The following SOCS7 variants were observed in gnomAD, a reference collection of about 807,000 sequenced individuals.
SOCS7 encodes NAP-4.
Under a neutral mutation model 58.9 loss-of-function variants are expected in SOCS7, and 18 were observed. The ratio of observed to expected loss-of-function variants is 0.31; its 90% CI spans 0.21 to 0.45. The LOEUF is 0.45. SOCS7 is among the 20% of genes least tolerant of loss of function. The pLI, the probability that SOCS7 is intolerant of heterozygous loss-of-function variation, is 1.00. For missense variants in SOCS7, 667 were observed against 837.3 expected (o/e 0.80, Z 2.51); for synonymous variants, 388 against 364.3 (o/e 1.06, Z -0.74).
chr17:38,398,288 G>T (rs1026443131), intron 9 of SOCS7, among the ~76,000 whole-genome samples: 1 of 150,628 alleles, frequency 6.6e-6, no homozygotes, highest in Non-Finnish European at 1.5e-5. Context: ...TGTTGCCCGG[G>T]CTGGAGTGCA....
At chr17:38,392,315 A>G (rs920305465) in intron 7 of SOCS7, among the ~76,000 whole-genome samples, 2 of 152,236 alleles carry the variant, frequency 1.3e-5, no homozygotes, top group African/African-American at 4.8e-5. Context: ...ACAATCAGAT[A>G]ATTGTATGTT....
chr17:38,373,927 G>A (rs1329682949), intron 6 of SOCS7, among the ~76,000 whole-genome samples: 2 of 152,216 alleles, frequency 1.3e-5, no homozygotes, highest in African/African-American at 4.8e-5. Flanking sequence ...CTCCATTGAA[G>A]TTGCCATAGT....
rs542706987 is a variant in SOCS7, at chr17:38,388,382, G to A, written c.1682-6927G>A. 5.3e-5 allele frequency among the ~76,000 whole-genome samples: 8 copies of A among 151,974 alleles called. No individual in the cohort carries two copies. In the South Asian group the frequency reaches 1.2e-3, roughly 24 times the overall value. ...AAAAATACAAAAATTAGCTAGGAGC[G>A]GTGGTGAGCACGTGTAGTCCCAGCT... is the stretch of plus-strand genomic sequence containing the variant. On this transcript the variant is annotated intron_variant, in intron 7 of 9. Transcript: ENST00000612932.
rs1326481662 is a variant in SOCS7, at chr17:38,400,343, T to G, written c.*861T>G. On this transcript the variant is annotated 3_prime_UTR_variant, in exon 10 of 10. Transcript: ENST00000612932. The stretch of plus-strand genomic sequence containing the variant: ...TCCCTATTGCTTCTGCCAGCTGTCA[T>G]GGCAATCGTGTTTCCCATCACCTGG... The G allele has an allele frequency of 6.6e-6, 1 of 152,252 alleles. No homozygotes were observed. Among genetic ancestry groups the G allele is most frequent in the Non-Finnish European group, 1.5e-5 (1 of 68,062 alleles). 9.4% of individuals were successfully genotyped at this position (152,252 alleles called of 1,614,324 possible).
At chr17:38,386,323 C>CA (rs548448434) in intron 7 of SOCS7, among the ~76,000 whole-genome samples, 4,537 of 50,816 alleles carry the variant, frequency 0.089, 214 homozygotes, top group African/African-American at 0.14. Flanking sequence ...GGCTGTGTCT[C>CA]AAAAAAAAAA....
At chr17:38,393,732 C>G (rs1321413533) in intron 7 of SOCS7, among the ~76,000 whole-genome samples, 1 of 151,216 alleles carries the variant, frequency 6.6e-6, no homozygotes, top group East Asian at 2.0e-4. Flanking sequence ...AACCCCGTCC[C>G]TACTGAAAAT....
chr17:38,402,095 C>T lies in SOCS7; in HGVS notation c.*2613C>T, dbSNP rs976877376. 2.6e-5 allele frequency: 4 copies of T among 152,416 alleles called. No homozygotes were observed. The highest frequency in any genetic ancestry group is 9.6e-5 in the African/African-American group (4 of 41,474). 9.4% of individuals were successfully genotyped at this position (152,416 alleles called of 1,614,324 possible). On this transcript the variant is annotated 3_prime_UTR_variant, in exon 10 of 10. Transcript: ENST00000612932. ...GGTGTGACCCAACCTCACCACCCAC[C>T]TTTCTCCTCCTGGGGAGTGTCGTGT...
intron 2 of SOCS7, among the ~76,000 whole-genome samples, chr17:38,362,844 C>T (rs2037737899): frequency 6.6e-6 from 1 of 152,202 alleles, no homozygotes; most frequent in Non-Finnish European, 1.5e-5. Context: ...GTCACGGTGG[C>T]TCATGCCTAT....
intron 1 of SOCS7, among the ~76,000 whole-genome samples, chr17:38,358,186 A>G (rs587660376): frequency 6.6e-6 from 1 of 152,190 alleles, no homozygotes; most frequent in East Asian, 1.9e-4. Context: ...TGCTGCTAAG[A>G]TGAAAGTGGT....
intron 6 of SOCS7, among the ~76,000 whole-genome samples, chr17:38,372,603 G>A (rs1027952489): frequency 6.6e-6 from 1 of 152,168 alleles, no homozygotes; most frequent in African/African-American, 2.4e-5. Context: ...TTCTTGTATA[G>A]TTTTCATTGT....
chr17:38,369,948 C>T (rs566518196), intron 6 of SOCS7, among the ~76,000 whole-genome samples: 1 of 152,038 alleles, frequency 6.6e-6, no homozygotes, highest in African/African-American at 2.4e-5. Flanking sequence ...CGCCACTATG[C>T]CCAGCTAATT....
intron 7 of SOCS7, among the ~76,000 whole-genome samples, chr17:38,382,152 G>A (rs780216383): frequency 1.3e-5 from 2 of 151,860 alleles, no homozygotes; most frequent in East Asian, 3.9e-4. Context: ...GCTTTGATCA[G>A]GCTTGGTGGC....
chr17:38,354,470 C>T (rs1404566948), intron 1 of SOCS7, among the ~76,000 whole-genome samples: 1 of 151,490 alleles, frequency 6.6e-6, no homozygotes, highest in Non-Finnish European at 1.5e-5. Flanking sequence ...ATTTGGCTTT[C>T]TTGCCCTTTC....
intron 1 of SOCS7, among the ~76,000 whole-genome samples, chr17:38,354,741 A>T (rs1256728039): frequency 6.6e-6 from 1 of 152,302 alleles, no homozygotes; most frequent in Non-Finnish European, 1.5e-5. Flanking sequence ...GCTATGGGTA[A>T]TGACATAGGA....
intron 1 of SOCS7, among the ~76,000 whole-genome samples, chr17:38,356,750 C>A (rs2037645292): frequency 6.6e-6 from 1 of 152,184 alleles, no homozygotes; most frequent in South Asian, 2.1e-4. Flanking sequence ...GGGAACTGGG[C>A]TAGGGCTTAT....
At position 38,403,727 on chromosome 17, in the gene SOCS7, A is replaced by C. The variant is rs970460687; in HGVS notation, c.*4245A>C. ...TTTTCCACTGTTAAGAGAATGACAC[A>C]CCCCCTGTCATGTAAGGGAGGAGCT... On this transcript the variant is annotated 3_prime_UTR_variant, in exon 10 of 10. Transcript: ENST00000612932. 2 of 151,668 alleles carry C rather than the reference A, an allele frequency of 1.3e-5. No homozygotes were observed. The highest frequency in any genetic ancestry group is 2.9e-5 in the Non-Finnish European group (2 of 67,940). 9.4% of individuals were successfully genotyped at this position (151,668 alleles called of 1,614,324 possible).
intron 6 of SOCS7, among the ~76,000 whole-genome samples, chr17:38,372,977 A>T (rs981227020): frequency 3.9e-5 from 6 of 152,034 alleles, no homozygotes; most frequent in Non-Finnish European, 8.8e-5. Context: ...GTGGTGGCGC[A>T]TGCCTATAAT....
At chr17:38,370,468 T>C (rs2037848395) in intron 6 of SOCS7, among the ~76,000 whole-genome samples, 1 of 152,004 alleles carries the variant, frequency 6.6e-6, no homozygotes. Flanking sequence ...GCCTTGCTAG[T>C]AGGTGGGACT....
chr17:38,392,926 G>T (rs1234045705), intron 7 of SOCS7, among the ~76,000 whole-genome samples: 1 of 152,228 alleles, frequency 6.6e-6, no homozygotes, highest in Non-Finnish European at 1.5e-5. Flanking sequence ...AGCTCAGTGG[G>T]CCTCAGTTTC....
Sources: allele counts gnomAD v4.1 joint callset (sites outside exome capture counted in the v4.1 genomes callset), GRCh38; gene constraint gnomAD v4.1.1; transcripts MANE v1.5; gene names NCBI Gene and HGNC (gene_info 2026-07-23, HGNC 2026-07-21).